EYS: variants seen among roughly 807,000 people sequenced by gnomAD.
EYS encodes protein eyes shut homolog.
EYS carries 250 observed loss-of-function variants against 282.1 expected under a neutral mutation model. That is an observed-to-expected ratio of 0.89 (90% CI 0.80 to 0.98). The LOEUF (loss-of-function observed/expected upper bound fraction) is 0.98. Among genes scored for constraint, EYS ranks in the 50% least tolerant of loss-of-function variants. The pLI, the probability that EYS is intolerant of heterozygous loss-of-function variation, is 0.00. For missense variants in EYS, 4,016 were observed against 3,709.0 expected (o/e 1.08, Z -2.15); for synonymous variants, 1,355 against 1,282.9 (o/e 1.06, Z -1.20).
chr6:65,076,355 A>G (rs1774051058), intron 12 of EYS, among the ~76,000 whole-genome samples: 1 of 152,012 alleles, frequency 6.6e-6, no homozygotes, highest in Non-Finnish European at 1.5e-5. Context: ...TGACAATGAC[A>G]TGGCAAAATA....
chr6:64,162,617 C>T (rs758439916), intron 31 of EYS, among the ~76,000 whole-genome samples: 5 of 152,120 alleles, frequency 3.3e-5, no homozygotes, highest in Non-Finnish European at 7.4e-5. Context: ...CCAAATCCTT[C>T]TCAACCCAAT....
intron 12 of EYS, among the ~76,000 whole-genome samples, chr6:65,221,818 C>G (rs758505414): frequency 6.6e-6 from 1 of 152,164 alleles, no homozygotes; most frequent in African/African-American, 2.4e-5. Flanking sequence ...GGGCTGTACC[C>G]TGCAAAGCCA....
At chr6:64,449,621 C>T (rs1775246086) in intron 26 of EYS, among the ~76,000 whole-genome samples, 1 of 152,086 alleles carries the variant, frequency 6.6e-6, no homozygotes, top group African/African-American at 2.4e-5. Context: ...GTTGGGTTAC[C>T]TACAAAGGGA....
At chr6:64,588,227 G>C (rs1376449487) in intron 26 of EYS, among the ~76,000 whole-genome samples, 1 of 151,986 alleles carries the variant, frequency 6.6e-6, no homozygotes, top group East Asian at 1.9e-4. Context: ...GCCTAGGTGA[G>C]GAATTCCATA....
chr6:64,085,330 A>G lies in EYS; in HGVS notation c.6425-3328T>C, dbSNP rs868840525. Among the ~76,000 whole-genome samples, 195 of 117,062 alleles carry G rather than the reference A, an allele frequency of 1.7e-3. 1 individual carries two copies. The highest frequency in any genetic ancestry group is 7.3e-3 in the African/African-American group (182 of 25,048). 76.8% of individuals were successfully genotyped at this position (117,062 alleles called of 152,430 possible). A position where few individuals can be genotyped will look rare whatever the true frequency, so the allele number is the denominator to read the frequency against. ...TCCTTCCAGACGCGCGCGCGTGCGC[A>G]CGTGCGCGCGCACACACACACACAC... On this transcript the variant is annotated intron_variant, in intron 31 of 42. Transcript: ENST00000503581.
At chr6:64,685,736 C>A (rs1040629264) in intron 22 of EYS, among the ~76,000 whole-genome samples, 4 of 152,034 alleles carry the variant, frequency 2.6e-5, no homozygotes, top group African/African-American at 9.7e-5. Flanking sequence ...GCCTTTATAG[C>A]AACACAAATT....
chr6:63,806,446 T>C, intron 36 of EYS, 74 bp from the exon 37 acceptor site: 1 of 1,282,034 alleles, frequency 7.8e-7, no homozygotes, highest in Non-Finnish European at 1.1e-6. Context: ...TACGTTTTGC[T>C]GATGCATCTG....
intron 30 of EYS, among the ~76,000 whole-genome samples, chr6:64,264,051 T>A (rs988691209): frequency 6.6e-6 from 1 of 152,172 alleles, no homozygotes; most frequent in African/African-American, 2.4e-5. Context: ...TCTTCTCTAT[T>A]GGTATAGATA....
chr6:64,605,986 AT>A (rs1766921096), intron 24 of EYS, among the ~76,000 whole-genome samples: 1 of 151,960 alleles, frequency 6.6e-6, no homozygotes. Context: ...ACGTTCCTCC[AT>A]TGGAAATAAT....
At chr6:64,095,916 A>G (rs547771094) in intron 31 of EYS, among the ~76,000 whole-genome samples, 1 of 152,106 alleles carries the variant, frequency 6.6e-6, no homozygotes, top group African/African-American at 2.4e-5. Context: ...CCATGTTTAG[A>G]GCTTCCTTCA....
At chr6:64,467,524 G>A (rs1219496872) in intron 26 of EYS, among the ~76,000 whole-genome samples, 1 of 152,098 alleles carries the variant, frequency 6.6e-6, no homozygotes. Flanking sequence ...AGAAGAATTA[G>A]GGCCTGGAGA....
intron 26 of EYS, among the ~76,000 whole-genome samples, chr6:64,452,348 T>G (rs147311895): frequency 0.016 from 2,371 of 152,060 alleles, 21 homozygotes; most frequent in South Asian, 0.034. Flanking sequence ...ACTGCTCAAT[T>G]AAATAAAAGA....
At chr6:64,655,652 G>A (rs1427278706) in intron 22 of EYS, among the ~76,000 whole-genome samples, 2 of 151,804 alleles carry the variant, frequency 1.3e-5, no homozygotes, top group Non-Finnish European at 2.9e-5. Flanking sequence ...TACATAACCT[G>A]TTCTGAACAA....
intron 2 of EYS, among the ~76,000 whole-genome samples, chr6:65,615,722 C>G (rs1025497848): frequency 1.3e-5 from 2 of 151,890 alleles, no homozygotes; most frequent in Non-Finnish European, 2.9e-5. Context: ...ATCATGAGGT[C>G]AGGAGATCAA....
chr6:65,078,722 A>C (rs1288633134), intron 12 of EYS, among the ~76,000 whole-genome samples: 1 of 152,018 alleles, frequency 6.6e-6, no homozygotes, highest in Non-Finnish European at 1.5e-5. Context: ...AAAGAACATT[A>C]AAATAGTTTG....
chr6:64,617,573 T>A, intron 23 of EYS, 40 bp from the exon 24 acceptor site: 1 of 1,164,034 alleles, frequency 8.6e-7, no homozygotes, highest in East Asian at 2.6e-5. Flanking sequence ...CAATTTTTAA[T>A]GATAATAAAA....
chr6:64,652,969 T>A (rs909313232), intron 22 of EYS, among the ~76,000 whole-genome samples: 1 of 152,160 alleles, frequency 6.6e-6, no homozygotes, highest in Non-Finnish European at 1.5e-5. Flanking sequence ...ATTCTGTCTC[T>A]CAGAAAAGGA....
chr6:65,025,611 G>A (rs1285714830), intron 13 of EYS, among the ~76,000 whole-genome samples: 1 of 152,164 alleles, frequency 6.6e-6, no homozygotes, highest in African/African-American at 2.4e-5. Flanking sequence ...CTGCGCAAGA[G>A]GCTGAGGCAC....
chr6:64,826,102 C>A (rs553089092), intron 19 of EYS, among the ~76,000 whole-genome samples: 39 of 151,886 alleles, frequency 2.6e-4, no homozygotes, highest in Middle Eastern at 3.4e-3. Flanking sequence ...GTATTTCCTA[C>A]TGGTCATTAA....
Sources: allele counts gnomAD v4.1 joint callset (sites outside exome capture counted in the v4.1 genomes callset), GRCh38; gene constraint gnomAD v4.1.1; transcripts MANE v1.5; gene names NCBI Gene and HGNC (gene_info 2026-07-23, HGNC 2026-07-21).